Variants in ATAD2B observed in about 807,000 individuals in gnomAD.
ATAD2B encodes the protein ATPase family AAA domain containing 2B.
ATAD2B carries 40 observed loss-of-function variants against 167.6 expected under a neutral mutation model. The observed-to-expected ratio is 0.24, with a 90% CI of 0.19 to 0.31. ATAD2B has a LOEUF of 0.31. Among genes scored for constraint, ATAD2B ranks in the 10% least tolerant of loss-of-function variants. The pLI, the probability that ATAD2B is intolerant of heterozygous loss-of-function variation, is 1.00. For synonymous variants in ATAD2B, 579 were observed against 596.5 expected (o/e 0.97, Z 0.43); for missense variants, 1,242 against 1,757.2 (o/e 0.71, Z 5.24).
At chr2:23,731,383 C>T in the ATAD2B span, among the ~76,000 whole-genome samples, 1 of 152,210 alleles carries the variant, frequency 6.6e-6, no homozygotes, top group Admixed American at 6.5e-5. Context: ...ACTCACCATT[C>T]TGCAGGCTCT....
At chr2:23,917,966 G>A (rs1015142282) in intron 1 of ATAD2B, among the ~76,000 whole-genome samples, 7 of 151,870 alleles carry the variant, frequency 4.6e-5, no homozygotes, top group African/African-American at 1.5e-4. Flanking sequence ...GCTGAGGCAG[G>A]AGAATCGCTT....
In ATAD2B at chr2:23,750,745, T is replaced by C. The variant is rs1185905136; in HGVS notation, c.*1301A>G. 2 of 152,162 alleles carry C rather than the reference T, an allele frequency of 1.3e-5. No homozygotes were observed. The highest frequency in any genetic ancestry group is 2.9e-5 in the Non-Finnish European group (2 of 68,002). The allele number at this position is 152,162 out of a possible 1,614,324, so 9.4% of individuals were successfully genotyped here. A position where few individuals can be genotyped will look rare whatever the true frequency, so the allele number is the denominator to read the frequency against. On this transcript the variant is annotated 3_prime_UTR_variant, in exon 28 of 28. Coordinates refer to ENST00000238789, the MANE Select transcript of ATAD2B (RefSeq NM_017552.4). ...CATCCTTTGCCTCATTGCAACTGCC[T>C]AGACTGTGTCTCCAAATTTGTAGAA...
intron 17 of ATAD2B, among the ~76,000 whole-genome samples, chr2:23,815,304 C>A (rs79023848): frequency 0.1 from 15,673 of 152,072 alleles, 899 homozygotes; most frequent in Middle Eastern, 0.18. Context: ...GAAGGAATAG[C>A]CTGCGATGAG....
intron 14 of ATAD2B, 49 bp downstream of exon 14, chr2:23,833,870 T>C (rs773398715): frequency 7.1e-7 from 1 of 1,415,158 alleles, no homozygotes; most frequent in South Asian, 1.4e-5. Flanking sequence ...ATATGCCTTA[T>C]AGTAGAATTA....
chr2:23,722,488 C>T, the ATAD2B span, among the ~76,000 whole-genome samples: 1 of 152,100 alleles, frequency 6.6e-6, no homozygotes, highest in African/African-American at 2.4e-5. Flanking sequence ...CCAGACCAAG[C>T]AGAATTTCTG....
intron 1 of ATAD2B, among the ~76,000 whole-genome samples, chr2:23,917,922 G>T (rs1158427755): frequency 6.6e-6 from 1 of 152,050 alleles, no homozygotes; most frequent in Non-Finnish European, 1.5e-5. Context: ...GCCAGGCATG[G>T]TGACGCAAGC....
At chr2:23,920,283 G>A (rs11888269) in intron 1 of ATAD2B, among the ~76,000 whole-genome samples, 349 of 152,184 alleles carry the variant, frequency 2.3e-3, no homozygotes, top group African/African-American at 8.2e-3. Context: ...CAAAACATTC[G>A]ACGAGTAGAG....
intron 26 of ATAD2B, 107 bp from the exon 27 acceptor site, chr2:23,754,414 A>G (rs920547914): frequency 8.0e-7 from 1 of 1,249,710 alleles, no homozygotes; most frequent in African/African-American, 1.5e-5. Flanking sequence ...AGGATGTAAC[A>G]GTGAACATGA....
At chr2:23,701,793 CTTTTT>C in the ATAD2B span, among the ~76,000 whole-genome samples, 71 of 22,522 alleles carry the variant, frequency 3.2e-3, no homozygotes, top group African/African-American at 7.9e-3. Context: ...CTTTTTTTTG[CTTTTT>C]TTTTTTTTTT....
Position 23,760,737 on chromosome 2 carries a change from CACACACACACACAT to C in ATAD2B, c.3394+1458_3394+1471del, listed in dbSNP as rs1558494334. Among the ~76,000 whole-genome samples the C allele has an allele frequency of 3.9e-5, 5 of 126,766 alleles. No individual in the cohort carries two copies. In the South Asian group the frequency reaches 1.1e-3, roughly 29 times the overall value. The allele number at this position is 126,766 out of a possible 152,430, so 83.2% of individuals were successfully genotyped here. A position where few individuals can be genotyped will look rare whatever the true frequency, so the allele number is the denominator to read the frequency against. ...ACACACACACACACACACATATACA[CACACACACACACAT>C]ACACACACACACACACACACCACTT... On this transcript the variant is annotated intron_variant, in intron 24 of 27. Coordinates refer to ENST00000238789, the MANE Select transcript of ATAD2B (RefSeq NM_017552.4).
At chr2:23,696,506 G>T in the ATAD2B span, 1 of 1,524,140 alleles carries the variant, frequency 6.6e-7, no homozygotes, top group Non-Finnish European at 8.8e-7. The surrounding 1 kb of genome is among the most constrained non-coding windows in gnomAD (Gnocchi z 5.5). Context: ...CGTGGACCAC[G>T]TGGAGAGGTA....
At chr2:23,925,489 A>T (rs1379952731) in intron 1 of ATAD2B, among the ~76,000 whole-genome samples, 1 of 152,198 alleles carries the variant, frequency 6.6e-6, no homozygotes, top group Non-Finnish European at 1.5e-5. Flanking sequence ...AAGAACCACA[A>T]AATGGTGTGG....
chr2:23,801,960 C>A (rs1683574738), intron 18 of ATAD2B, among the ~76,000 whole-genome samples: 1 of 151,752 alleles, frequency 6.6e-6, no homozygotes, highest in Non-Finnish European at 1.5e-5. Flanking sequence ...ATTTATAGTC[C>A]CACAACAAGC....
intron 21 of ATAD2B, 65 bp from the exon 22 acceptor site, chr2:23,783,093 CAAAAT>C (rs1026083654): frequency 1.2e-6 from 1 of 838,696 alleles, no homozygotes; most frequent in Non-Finnish European, 1.7e-6. Context: ...CATAAAAACA[CAAAAT>C]AAAAACAAAG....
At chr2:23,899,210 G>A (rs1337344471) in intron 1 of ATAD2B, among the ~76,000 whole-genome samples, 1 of 151,802 alleles carries the variant, frequency 6.6e-6, no homozygotes, top group Non-Finnish European at 1.5e-5. Context: ...TACTCAGCGA[G>A]GGTGAGGTGG....
the ATAD2B span, among the ~76,000 whole-genome samples, chr2:23,741,650 C>T: frequency 7.2e-5 from 11 of 152,140 alleles, no homozygotes; most frequent in Non-Finnish European, 1.6e-4. Flanking sequence ...TGGGCAAGGA[C>T]GTCATGTCTA....
intron 1 of ATAD2B, among the ~76,000 whole-genome samples, chr2:23,910,777 A>C (rs532383085): frequency 9.7e-4 from 148 of 152,114 alleles, no homozygotes; most frequent in African/African-American, 3.4e-3. Context: ...CTGAGGTACA[A>C]TAATCGCTTG....
chr2:23,882,240 C>T (rs1698016974), intron 6 of ATAD2B, among the ~76,000 whole-genome samples: 1 of 151,502 alleles, frequency 6.6e-6, no homozygotes, highest in Admixed American at 6.6e-5. Context: ...ATCTCACTGT[C>T]ACCCAGGCTG....
intron 18 of ATAD2B, chr2:23,808,914 C>T (rs574984111): frequency 6.6e-6 from 1 of 152,186 alleles, no homozygotes; most frequent in South Asian, 2.1e-4. Context: ...CACAGCTTTC[C>T]TCCTATTCCT....
Sources: gnomAD v4.1 joint callset for allele counts (sites outside exome capture counted in the v4.1 genomes callset) on GRCh38, gnomAD v4.1.1 for gene constraint, Gnocchi (gnomAD v3.1) non-coding constraint, MANE v1.5 for transcripts, NCBI Gene and HGNC (gene_info 2026-07-23, HGNC 2026-07-21) for gene names.